The following SLC7A14 variants were observed in gnomAD, a reference collection of about 807,000 sequenced individuals.
SLC7A14 encodes the protein gamma-aminobutyric acid transporter SLC7A14.
In SLC7A14, 37 loss-of-function variants were observed where a neutral mutation model predicts 60.2. The observed-to-expected ratio is 0.61, with a 90% CI of 0.47 to 0.81. The LOEUF is 0.81. Among genes scored for constraint, SLC7A14 ranks in the 30% least tolerant of loss-of-function variants. The pLI, the probability that SLC7A14 is intolerant of heterozygous loss-of-function variation, is 0.00. For synonymous variants in SLC7A14, 399 were observed against 395.8 expected, an observed-to-expected ratio of 1.01 and a Z score of -0.10; for missense variants, 886 against 982.7, an observed-to-expected ratio of 0.90 and a Z score of 1.32.
intron 1 of SLC7A14, among the ~76,000 whole-genome samples, chr3:170,562,381 T>C (rs1714677930): frequency 6.6e-6 from 1 of 152,016 alleles, no homozygotes; most frequent in Non-Finnish European, 1.5e-5. Flanking sequence ...CTAAGTGAAG[T>C]AACTCTGGAA....
intron 4 of SLC7A14, among the ~76,000 whole-genome samples, chr3:170,492,233 G>T (rs534984800): frequency 6.6e-6 from 1 of 152,160 alleles, no homozygotes; most frequent in East Asian, 1.9e-4. Context: ...AATAAAATTG[G>T]TGGGTGAAAT....
At chr3:170,516,147 T>G (rs1328550024) in intron 2 of SLC7A14, among the ~76,000 whole-genome samples, 31 of 152,224 alleles carry the variant, frequency 2.0e-4, no homozygotes, top group Non-Finnish European at 4.4e-5. Context: ...TCTATTAAAA[T>G]GTGCTCACCT....
intron 1 of SLC7A14, among the ~76,000 whole-genome samples, chr3:170,540,144 C>T (rs545722807): frequency 6.6e-6 from 1 of 152,108 alleles, no homozygotes; most frequent in African/African-American, 2.4e-5. Flanking sequence ...TGTGAGATTT[C>T]ATTATGCTAC....
chr3:170,517,089 TGAAA>T (rs1472520285), intron 2 of SLC7A14, among the ~76,000 whole-genome samples: 3 of 151,344 alleles, frequency 2.0e-5, no homozygotes, highest in Non-Finnish European at 4.4e-5. Context: ...ATAGGAAGAT[TGAAA>T]GAATTAAATG....
intron 1 of SLC7A14, among the ~76,000 whole-genome samples, chr3:170,556,294 T>G (rs7611581): frequency 0.58 from 88,431 of 152,010 alleles, 26,125 homozygotes; most frequent in African/African-American, 0.71. Context: ...GTGGGGCTTA[T>G]AATGGCCTGT....
chr3:170,536,030 A>G (rs770974205), intron 1 of SLC7A14, among the ~76,000 whole-genome samples: 51 of 152,104 alleles, frequency 3.4e-4, no homozygotes, highest in South Asian at 4.1e-4. Flanking sequence ...GTCTACAGAG[A>G]TACTGGGTTT....
chr3:170,511,065 A>C (rs1712965097), intron 2 of SLC7A14, among the ~76,000 whole-genome samples: 1 of 152,216 alleles, frequency 6.6e-6, no homozygotes, highest in South Asian at 2.1e-4. Flanking sequence ...TGTTGCACAC[A>C]GATCACTTTG....
At position 170,527,001 on chromosome 3, in the gene SLC7A14, G is replaced by T; in HGVS notation, c.-65C>A. The T allele has an allele frequency of 6.6e-7, 1 of 1,517,906 alleles. No individual in the cohort carries two copies. Among genetic ancestry groups the T allele is most frequent in the East Asian group, 2.4e-5 (1 of 42,136 alleles). The allele number at this position is 1,517,906 out of a possible 1,614,324, so 94.0% of individuals were successfully genotyped here. ...AGGGGGCTACAAAGCCTTAGTGGAT[G>T]GTTCTGGAACTCATCTAGTGAACAG... On this transcript the variant is annotated 5_prime_UTR_variant, in exon 2 of 8. Coordinates refer to ENST00000231706, the MANE Select transcript of SLC7A14 (RefSeq NM_020949.3).
In SLC7A14 at chr3:170,467,240, C is replaced by G. The variant is rs549360635; in HGVS notation, c.2131G>C (p.Ala711Pro). Residue 711 changes from alanine to proline, a missense_variant, in exon 8 of 8, where the codon GCC becomes CCC. Coordinates refer to ENST00000231706, the MANE Select transcript of SLC7A14 (RefSeq NM_020949.3). ...PFSVEEGFSYATEGESQEDWG... is the reference protein window; with the variant it reads ...PFSVEEGFSYPTEGESQEDWG... ...TCCTCCTGGCTCTCGCCCTCTGTGGCGTAGGAGAAACCCTCCTCCACTGAG... is the reference window on the plus strand; with the variant it reads ...TCCTCCTGGCTCTCGCCCTCTGTGGGGTAGGAGAAACCCTCCTCCACTGAG... The G allele has an allele frequency of 6.8e-6, 11 of 1,614,244 alleles. No homozygotes were observed. The East Asian group carries it at 2.2e-4, about 33-fold the overall frequency.
At chr3:170,478,357 C>T (rs961052556) in intron 7 of SLC7A14, among the ~76,000 whole-genome samples, 5 of 152,170 alleles carry the variant, frequency 3.3e-5, no homozygotes, top group South Asian at 4.1e-4. Context: ...GGATTATAGA[C>T]GTGAGCCACT....
intron 1 of SLC7A14, chr3:170,569,977 A>AT (rs1166803654): frequency 2.0e-5 from 3 of 152,088 alleles, no homozygotes; most frequent in Admixed American, 2.0e-4. Context: ...GGATTCATTA[A>AT]TTTTTTGAAG....
chr3:170,504,604 G>A (rs1712715166), intron 2 of SLC7A14, among the ~76,000 whole-genome samples: 1 of 152,158 alleles, frequency 6.6e-6, no homozygotes, highest in African/African-American at 2.4e-5. Flanking sequence ...TACAGCGTGA[G>A]CCACTGCGCC....
chr3:170,552,822 C>A (rs962663816), intron 1 of SLC7A14, among the ~76,000 whole-genome samples: 6 of 152,216 alleles, frequency 3.9e-5, no homozygotes, highest in Non-Finnish European at 5.9e-5. Flanking sequence ...TGCTTGAAAG[C>A]TTTCGATGAC....
chr3:170,510,056 C>G (rs139340187), intron 2 of SLC7A14, among the ~76,000 whole-genome samples: 14 of 112,664 alleles, frequency 1.2e-4, no homozygotes, highest in Admixed American at 5.6e-4. Context: ...CCAGCCTGGA[C>G]AAGAGCAAAA....
intron 1 of SLC7A14, among the ~76,000 whole-genome samples, chr3:170,558,526 T>C (rs1450447954): frequency 6.6e-6 from 1 of 152,126 alleles, no homozygotes; most frequent in African/African-American, 2.4e-5. Flanking sequence ...TTAAACTCCC[T>C]TTCAGGAGTA....
intron 7 of SLC7A14, among the ~76,000 whole-genome samples, chr3:170,472,743 G>C (rs1164264790): frequency 1.3e-5 from 2 of 151,480 alleles, no homozygotes; most frequent in Non-Finnish European, 2.9e-5. Flanking sequence ...CTCCAGCCTG[G>C]GTGACAGAGT....
At chr3:170,575,287 G>A (rs184537884) in intron 1 of SLC7A14, among the ~76,000 whole-genome samples, 297 of 152,314 alleles carry the variant, frequency 1.9e-3, no homozygotes, top group Non-Finnish European at 2.9e-3. Context: ...AGCATGAACA[G>A]CATATTATTT....
At chr3:170,492,783 C>T (rs963679597) in intron 4 of SLC7A14, among the ~76,000 whole-genome samples, 9 of 152,192 alleles carry the variant, frequency 5.9e-5, no homozygotes, top group African/African-American at 2.2e-4. Context: ...AGGCAGCCTT[C>T]ACACATTCTG....
chr3:170,568,598 G>T (rs201132789), intron 1 of SLC7A14, among the ~76,000 whole-genome samples: 1 of 152,036 alleles, frequency 6.6e-6, no homozygotes, highest in Non-Finnish European at 1.5e-5. Flanking sequence ...AATTACCTTG[G>T]GCAGTATGGC....
Sources: gnomAD v4.1 joint callset for allele counts (sites outside exome capture counted in the v4.1 genomes callset) on GRCh38, gnomAD v4.1.1 for gene constraint, MANE v1.5 for transcripts, NCBI Gene and HGNC (gene_info 2026-07-23, HGNC 2026-07-21) for gene names.